The following FAM241A variants were observed in gnomAD, a reference collection of about 807,000 sequenced individuals.
FAM241A encodes family with sequence similarity 241 member A.
Under a neutral mutation model 12.2 loss-of-function variants are expected in FAM241A, and 7 were observed. The observed-to-expected ratio is 0.58, with a 90% CI of 0.33 to 1.08. The LOEUF (loss-of-function observed/expected upper bound fraction) is 1.08, where lower values mean the gene tolerates loss of function less well. FAM241A is among the 50% of genes least tolerant of loss of function. FAM241A has a pLI of 0.04. For missense variants in FAM241A, 161 were observed against 169.7 expected, an observed-to-expected ratio of 0.95 and a Z score of 0.29; for synonymous variants, 74 against 68.2, an observed-to-expected ratio of 1.08 and a Z score of -0.42.
intron 1 of FAM241A, 36 bp downstream of exon 1, chr4:112,145,769 G>T (rs1723123359): frequency 3.5e-6 from 4 of 1,146,386 alleles, no homozygotes; most frequent in South Asian, 4.3e-5. Flanking sequence ...AAGCGGCCGG[G>T]TCGGGGGCCG....
chr4:112,185,604 C>T (rs115397981), intron 1 of FAM241A, among the ~76,000 whole-genome samples: 36 of 152,260 alleles, frequency 2.4e-4, no homozygotes, highest in African/African-American at 8.7e-4. Flanking sequence ...AAAAAGGCCC[C>T]CATGGAACTG....
At chr4:112,160,653 T>TTA (rs995143955) in intron 1 of FAM241A, among the ~76,000 whole-genome samples, 3 of 152,138 alleles carry the variant, frequency 2.0e-5, no homozygotes, top group African/African-American at 7.2e-5. Context: ...TGACTTCAAG[T>TTA]TATACTACAG....
At chr4:112,170,497 G>T (rs557467619) in intron 1 of FAM241A, among the ~76,000 whole-genome samples, 2 of 152,214 alleles carry the variant, frequency 1.3e-5, no homozygotes, top group East Asian at 3.9e-4. Context: ...TAATCTTATT[G>T]TATCATAGTC....
intron 1 of FAM241A, among the ~76,000 whole-genome samples, chr4:112,147,286 T>C (rs1044684499): frequency 2.6e-5 from 4 of 152,184 alleles, no homozygotes; most frequent in East Asian, 3.8e-4. Flanking sequence ...TTCATTCTCC[T>C]GTACTCCTTT....
intron 1 of FAM241A, among the ~76,000 whole-genome samples, chr4:112,174,586 T>A (rs1276806175): frequency 2.0e-5 from 3 of 152,126 alleles, no homozygotes; most frequent in Non-Finnish European, 4.4e-5. Context: ...CAAAACATAT[T>A]ACTAGTGGCA....
At chr4:112,162,651 A>G (rs892267593) in intron 1 of FAM241A, among the ~76,000 whole-genome samples, 6 of 152,190 alleles carry the variant, frequency 3.9e-5, no homozygotes, top group Non-Finnish European at 8.8e-5. Context: ...TGCTCAACGA[A>G]ATAAAAGAGG....
At chr4:112,166,899 G>T (rs958621374) in intron 1 of FAM241A, among the ~76,000 whole-genome samples, 54 of 148,802 alleles carry the variant, frequency 3.6e-4, no homozygotes, top group South Asian at 1.1e-3. Flanking sequence ...CGGATCACGA[G>T]GTCAGGAGAT....
intron 1 of FAM241A, among the ~76,000 whole-genome samples, chr4:112,164,644 AAAGAAACAATCAAGTG>A (rs1444302990): frequency 6.6e-6 from 1 of 152,212 alleles, no homozygotes; most frequent in Non-Finnish European, 1.5e-5. Context: ...CTGCACAGCA[AAAGAAACAATCAAGTG>A]AAGATACAAC....
chr4:112,154,692 G>A (rs1265200039), intron 1 of FAM241A, among the ~76,000 whole-genome samples: 1 of 151,920 alleles, frequency 6.6e-6, no homozygotes, highest in Admixed American at 6.6e-5. Flanking sequence ...GTAGATTCTT[G>A]AAAAAGTATA....
At chr4:112,159,498 T>G (rs969828085) in intron 1 of FAM241A, among the ~76,000 whole-genome samples, 6 of 152,180 alleles carry the variant, frequency 3.9e-5, no homozygotes, top group Non-Finnish European at 8.8e-5. Context: ...TGCAGACCAG[T>G]ATCTCTGATG....
At chr4:112,173,756 C>A (rs1378285706) in intron 1 of FAM241A, among the ~76,000 whole-genome samples, 1 of 152,076 alleles carries the variant, frequency 6.6e-6, no homozygotes, top group Non-Finnish European at 1.5e-5. Context: ...AGAGAACTAG[C>A]TACCTACCAT....
chr4:112,145,675 G>A lies in FAM241A; in HGVS notation c.95G>A (p.Gly32Glu), dbSNP rs10002700. 1,207,011 of 1,212,320 alleles carry A rather than the reference G, an allele frequency of 1. 600,870 individuals are homozygous for A. The highest frequency in any genetic ancestry group is 1 in the East Asian group (29,928 of 29,928). 75.1% of individuals were successfully genotyped at this position (1,212,320 alleles called of 1,614,324 possible). Residue 32 changes from glycine (G) to glutamate (E), a missense_variant, in exon 1 of 2, where the codon GGG (glycine) becomes GAG (glutamate). Physicochemically the swap from Gly to Glu is moderately conservative, Grantham distance 98. Coordinates refer to ENST00000309733, the MANE Select transcript of FAM241A (RefSeq NM_152400.3). ...GCGGAGCGGGAGGCGGCAGGGACCG[G>A]GTGGGATCCCGGGGCGAGCCCGCGG... ...ALAEREAAGT[G>E]WDPGASPRRR... is the part of the protein sequence containing the mutation.
chr4:112,189,277 CAGG>C lies in FAM241A; in HGVS notation c.*2343_*2345del, dbSNP rs890878613. ...GCAGGTGCCTGTCGTCCCAGCTACT[CAGG>C]AGGCTGAGGCAGGAGAATGGCGTGA... On this transcript the variant is annotated 3_prime_UTR_variant, in exon 2 of 2. Transcript: ENST00000309733. 2 of 147,448 alleles carry C rather than the reference CAGG, an allele frequency of 1.4e-5. No homozygotes were observed. The highest frequency in any genetic ancestry group is 5.0e-5 in the African/African-American group (2 of 39,654). The allele number at this position is 147,448 out of a possible 1,614,324, so 9.1% of individuals were successfully genotyped here.
At chr4:112,176,218 A>G (rs1056493252) in intron 1 of FAM241A, among the ~76,000 whole-genome samples, 1 of 152,230 alleles carries the variant, frequency 6.6e-6, no homozygotes, top group African/African-American at 2.4e-5. Flanking sequence ...CTTAATTATC[A>G]TGAGAAAGAT....
In FAM241A at chr4:112,193,923, A is replaced by G. The variant is rs201767125; in HGVS notation, c.*6985A>G. 442 of 148,180 alleles carry G rather than the reference A, an allele frequency of 3.0e-3. 5 individuals carry two copies. The highest frequency in any genetic ancestry group is 0.011 in the African/African-American group (416 of 39,360). 9.2% of individuals were successfully genotyped at this position (148,180 alleles called of 1,614,324 possible). On this transcript the variant is annotated 3_prime_UTR_variant, in exon 2 of 2. Coordinates refer to ENST00000309733, the MANE Select transcript of FAM241A (RefSeq NM_152400.3). Reference sequence around the variant, plus strand: ...GCTTGATGGGGATGGCATTGAATCTATAAATTACCTTGGGCAGTATGGCCA... The same window carrying G: ...GCTTGATGGGGATGGCATTGAATCTGTAAATTACCTTGGGCAGTATGGCCA...
At chr4:112,181,663 A>T (rs1414874264) in intron 1 of FAM241A, among the ~76,000 whole-genome samples, 1 of 152,200 alleles carries the variant, frequency 6.6e-6, no homozygotes, top group Non-Finnish European at 1.5e-5. Context: ...AAAGGAGAGG[A>T]TGCCTTAACT....
At chr4:112,186,441 G>T (rs1336387854) in intron 1 of FAM241A, among the ~76,000 whole-genome samples, 1 of 152,170 alleles carries the variant, frequency 6.6e-6, no homozygotes, top group Non-Finnish European at 1.5e-5. Flanking sequence ...TAAAACAGGA[G>T]GGTGGCAGAA....
rs1240117687 is a variant in FAM241A, at chr4:112,187,518, A to G, written c.*580A>G. 6.6e-6 allele frequency: 1 copy of G among 152,578 alleles called. No individual in the cohort carries two copies. The allele number at this position is 152,578 out of a possible 1,614,324, so 9.5% of individuals were successfully genotyped here. A position where few individuals can be genotyped will look rare whatever the true frequency, so the allele number is the denominator to read the frequency against. ...ATCAGTAAAGATAGAACGTTTTCTA[A>G]AGGTCAAAAATAATATATTTATTAT... On this transcript the variant is annotated 3_prime_UTR_variant, in exon 2 of 2. Coordinates refer to ENST00000309733, the MANE Select transcript of FAM241A (RefSeq NM_152400.3).
rs1020000999 is a variant in FAM241A, at chr4:112,190,444, G to A, written c.*3506G>A. On this transcript the variant is annotated 3_prime_UTR_variant, in exon 2 of 2. Transcript: ENST00000309733. The stretch of plus-strand genomic sequence containing the variant: ...TATAAAAGTGCTGGGACAGCACTTT[G>A]GGAGGCCGAAGCGGGCGGATCACCT... 6.6e-6 allele frequency: 1 copy of A among 151,818 alleles called. No homozygotes were observed. The highest frequency in any genetic ancestry group is 6.6e-5 in the Admixed American group (1 of 15,230). 9.4% of individuals were successfully genotyped at this position (151,818 alleles called of 1,614,324 possible).
Sources: gnomAD v4.1 joint callset for allele counts (sites outside exome capture counted in the v4.1 genomes callset) on GRCh38, gnomAD v4.1.1 for gene constraint, MANE v1.5 for transcripts, NCBI Gene and HGNC (gene_info 2026-07-23, HGNC 2026-07-21) for gene names.